Variants in MORC4 observed in about 807,000 individuals in gnomAD.
MORC4 encodes MORC family CW-type zinc finger protein 4.
In MORC4, 22 loss-of-function variants were observed where a neutral mutation model predicts 65.5. That is an observed-to-expected ratio of 0.34 (90% CI 0.24 to 0.48). The LOEUF is 0.48. MORC4 is among the 20% of genes least tolerant of loss of function. The pLI is 0.99. For synonymous variants in MORC4, 267 were observed against 255.8 expected (o/e 1.04, Z -0.42); for missense variants, 624 against 703.0 (o/e 0.89, Z 1.27).
Position 106,986,060 on chromosome X carries a change from AGTC to A in MORC4, c.446_448del (p.Gly149_Leu150delinsVal). The A allele has an allele frequency of 8.3e-7, 1 of 1,210,835 alleles. No individual in the cohort carries two copies. Among genetic ancestry groups the A allele is most frequent in the Non-Finnish European group, 1.1e-6 (1 of 894,578 alleles). On this transcript the variant is annotated inframe_deletion, in exon 4 of 17. Coordinates refer to ENST00000355610, the MANE Select transcript of MORC4 (RefSeq NM_024657.5). Reference sequence around the variant, plus strand: ...ACATTCCAGATAGGTCTGTGATAGAAGTCCAACAGTGAGAGTACCCCCATTCTT... The same window carrying A: ...ACATTCCAGATAGGTCTGTGATAGAACAACAGTGAGAGTACCCCCATTCTT...
At chrX:106,943,401 T>C (rs1326657354) in intron 14 of MORC4, among the ~76,000 whole-genome samples, 196 bp from the exon 15 acceptor site, 3 of 110,478 alleles carry the variant, frequency 2.7e-5, no homozygotes, top group African/African-American at 9.9e-5. Flanking sequence ...AACGGAGAGG[T>C]GAAGTTGAAA....
At chrX:106,953,391 C>CCAGGAG (rs1263684723) in intron 14 of MORC4, among the ~76,000 whole-genome samples, 39 of 111,477 alleles carry the variant, frequency 3.5e-4, no homozygotes, top group Middle Eastern at 4.6e-3. Flanking sequence ...ATGAGCATCT[C>CCAGGAG]CAGGAGACCA....
At chrX:106,968,455 C>A (rs1157475139) in intron 9 of MORC4, among the ~76,000 whole-genome samples, 1 of 109,603 alleles carries the variant, frequency 9.1e-6, no homozygotes, top group African/African-American at 3.3e-5. Flanking sequence ...GGATCAAATT[C>A]ACACATAACA....
At chrX:106,992,971 T>C (rs942817715) in intron 3 of MORC4, among the ~76,000 whole-genome samples, 1 of 112,591 alleles carries the variant, frequency 8.9e-6, no homozygotes, top group African/African-American at 3.2e-5. Flanking sequence ...TGATGACTTG[T>C]CTCAAACATT....
intron 3 of MORC4, among the ~76,000 whole-genome samples, chrX:106,988,627 C>G (rs1395696955): frequency 5.4e-5 from 6 of 111,968 alleles, no homozygotes; most frequent in Non-Finnish European, 9.4e-5. Context: ...AACACAAAAG[C>G]CCTCACCACA....
intron 14 of MORC4, among the ~76,000 whole-genome samples, chrX:106,950,035 C>T (rs1444772018): frequency 8.9e-6 from 1 of 112,005 alleles, no homozygotes; most frequent in East Asian, 2.8e-4. Flanking sequence ...GCCAGTGAGG[C>T]TCCTCTTCTT....
intron 14 of MORC4, among the ~76,000 whole-genome samples, chrX:106,951,996 A>C (rs1355308722): frequency 4.1e-5 from 1 of 24,558 alleles, no homozygotes; most frequent in African/African-American, 3.3e-4. Flanking sequence ...ACTCTGCCGC[A>C]AAAAAAAAAA....
At chrX:106,984,921 T>C (rs1934836864) in intron 5 of MORC4, among the ~76,000 whole-genome samples, 175 bp downstream of exon 5, 2 of 111,085 alleles carry the variant, frequency 1.8e-5, no homozygotes, top group African/African-American at 6.6e-5. Context: ...GTAATCCCAA[T>C]AATTTGGGAG....
In MORC4 at chrX:106,999,739, C is replaced by T. The variant is rs376089604; in HGVS notation, c.113G>A (p.Arg38His). Residue 38 changes from arginine (R) to histidine (H), a missense_variant, in exon 2 of 17, where the codon CGC becomes CAC. By Grantham distance (29) the Arg-to-His change is conservative. Transcript: ENST00000355610. ...GCTGCTGGAGTTGCTCTGGAGGTAG[C>T]GGGGGCTCATCTGGGGGCGAGAGAA... ...FGIRLSTMSP[R>H]YLQSNSSSHT... The T allele has an allele frequency of 8.4e-5, 93 of 1,112,268 alleles. No homozygotes were observed. The highest frequency in any genetic ancestry group is 9.8e-5 in the Non-Finnish European group (83 of 849,040). The allele number at this position is 1,112,268 out of a possible 1,213,427, so 91.7% of individuals were successfully genotyped here. A position where few individuals can be genotyped will look rare whatever the true frequency, so the allele number is the denominator to read the frequency against.
At chrX:106,983,564 A>AT (rs748369034) in intron 5 of MORC4, among the ~76,000 whole-genome samples, 3 of 112,091 alleles carry the variant, frequency 2.7e-5, no homozygotes, top group Non-Finnish European at 5.6e-5. Context: ...GTGTTAATCC[A>AT]TTCTTAAATG....
At chrX:106,984,989 T>G in intron 5 of MORC4, 107 bp downstream of exon 5, 1 of 715,452 alleles carries the variant, frequency 1.4e-6, no homozygotes, top group Non-Finnish European at 2.0e-6. Context: ...GGCAACATAA[T>G]GAGACCCTGT....
In MORC4 at chrX:106,942,719, T is replaced by C. The variant is rs747375955; in HGVS notation, c.2172A>G (p.Ala724=). Reference sequence around the variant, plus strand: ...AAGGCACTGGGTTCCAGGATTCAACTGCTTTTCGTCTCTCAGCAAGCTCCT... The same window carrying C: ...AAGGCACTGGGTTCCAGGATTCAACCGCTTTTCGTCTCTCAGCAAGCTCCT... ...NREELAERRK[A]VESWNPVPYS... is the part of the protein sequence containing the mutation. The change falls in exon 15 of 17, where the codon GCA becomes GCG. Residue 724 remains alanine (A), a synonymous_variant. Coordinates refer to ENST00000355610, the MANE Select transcript of MORC4 (RefSeq NM_024657.5). 5.0e-5 allele frequency: 60 copies of C among 1,211,599 alleles called. No homozygotes were observed. The highest frequency in any genetic ancestry group is 6.7e-5 in the Non-Finnish European group (60 of 895,425).
At chrX:106,958,521 T>C (rs1934162250) in intron 10 of MORC4, 57 bp from the exon 11 acceptor site, 2 of 1,054,774 alleles carry the variant, frequency 1.9e-6, no homozygotes, top group Admixed American at 6.3e-5. Flanking sequence ...TGCTTTGTCT[T>C]ACATTAGAAA....
intron 14 of MORC4, among the ~76,000 whole-genome samples, chrX:106,945,688 C>A (rs1189801931): frequency 9.0e-6 from 1 of 111,370 alleles, no homozygotes; most frequent in Non-Finnish European, 1.9e-5. Flanking sequence ...GACTTGTATT[C>A]ACTCATTGAG....
Position 106,943,134 on chromosome X carries a change from G to A in MORC4, c.1757C>T (p.Pro586Leu). ...AGCAGGCATGGAATAATCTAGAGAA[G>A]GTGTTGTCATCTCATTCTGGAGCCT... ...RRRLQNEMTT[P>L]SLDYSMPAPY... The change falls in exon 15 of 17, where the codon CCT becomes CTT. Residue 586 changes from proline (P) to leucine (L), a missense_variant. Pro to Leu is a moderately conservative substitution (Grantham distance 98). Coordinates refer to ENST00000355610, the MANE Select transcript of MORC4 (RefSeq NM_024657.5). The A allele has an allele frequency of 8.3e-7, 1 of 1,210,638 alleles. No homozygotes were observed. The highest frequency in any genetic ancestry group is 1.1e-6 in the Non-Finnish European group (1 of 894,408).
At chrX:106,984,828 T>A (rs1186407813) in intron 5 of MORC4, among the ~76,000 whole-genome samples, 2 of 108,765 alleles carry the variant, frequency 1.8e-5, no homozygotes, top group Non-Finnish European at 3.8e-5. Context: ...ATGAGATATA[T>A]ATTAAAATTT....
intron 9 of MORC4, among the ~76,000 whole-genome samples, chrX:106,966,929 C>T (rs1235304597): frequency 8.9e-6 from 1 of 112,347 alleles, no homozygotes; most frequent in East Asian, 2.8e-4. Context: ...ATGTCCCTGC[C>T]TGACAGCTCT....
intron 5 of MORC4, among the ~76,000 whole-genome samples, chrX:106,984,295 G>A (rs1232748755): frequency 9.3e-6 from 1 of 107,351 alleles, no homozygotes; most frequent in Admixed American, 1.0e-4. Flanking sequence ...AAAAAAAAAT[G>A]TCCATGAATA....
chrX:106,994,295 A>G (rs778154297), intron 2 of MORC4, among the ~76,000 whole-genome samples: 1 of 111,730 alleles, frequency 9.0e-6, no homozygotes, highest in Non-Finnish European at 1.9e-5. Flanking sequence ...ATTGAGGGGC[A>G]GTTTATACAA....
Sources: allele counts gnomAD v4.1 joint callset (sites outside exome capture counted in the v4.1 genomes callset), GRCh38; gene constraint gnomAD v4.1.1; transcripts MANE v1.5; gene names NCBI Gene and HGNC (gene_info 2026-07-23, HGNC 2026-07-21).